PCDHGB1: variants seen among roughly 807,000 people sequenced by gnomAD.
PCDHGB1 encodes protocadherin gamma-B1.
A neutral mutation model predicts 56.6 loss-of-function variants in PCDHGB1; 34 were observed. The ratio of observed to expected loss-of-function variants is 0.60; its 90% confidence interval spans 0.46 to 0.80. PCDHGB1 has a LOEUF of 0.80. Among genes scored for constraint, PCDHGB1 ranks in the 30% least tolerant of loss-of-function variants. PCDHGB1 has a pLI of 0.00. For synonymous variants in PCDHGB1, 561 were observed against 505.9 expected (o/e 1.11, Z -1.46); for missense variants, 1,278 against 1,204.6 (o/e 1.06, Z -0.90).
chr5:141,497,831 C>T (rs1336808833), intron 2 of PCDHGB1, among the ~76,000 whole-genome samples: 1 of 152,162 alleles, frequency 6.6e-6, no homozygotes, highest in Non-Finnish European at 1.5e-5. Flanking sequence ...TGATCGCCCC[C>T]GGCCACAACA....
At chr5:141,480,763 A>G (rs541754723) in intron 1 of PCDHGB1, among the ~76,000 whole-genome samples, 1 of 152,308 alleles carries the variant, frequency 6.6e-6, no homozygotes, top group East Asian at 1.9e-4. Flanking sequence ...GAAGGTCCCC[A>G]CTTGATCCTA....
chr5:141,478,826 G>A, intron 1 of PCDHGB1: 2 of 1,439,244 alleles, frequency 1.4e-6, no homozygotes, highest in Non-Finnish European at 1.8e-6. Context: ...AACCAATCTT[G>A]CTAAGGGATG....
intron 1 of PCDHGB1, among the ~76,000 whole-genome samples, chr5:141,465,263 T>C (rs538393085): frequency 1.3e-5 from 2 of 152,326 alleles, no homozygotes; most frequent in African/African-American, 4.8e-5. Flanking sequence ...GCAATGATAC[T>C]AGCCATTTAG....
Position 141,429,387 on chromosome 5 carries a change from TAAA to T in PCDHGB1, c.2410-65414_2410-65412del, listed in dbSNP as rs11410533. Among the ~76,000 whole-genome samples, 27 of 151,446 alleles carry T rather than the reference TAAA, an allele frequency of 1.8e-4. No homozygotes were observed. In the East Asian group the frequency reaches 1.9e-3, roughly 11 times the overall value. ...AAATGGAGAAAATGTGTTTTTTTTTTAAAAAAAATTGAGATTAAGGTCTCATTA... is the reference window on the plus strand; with the variant it reads ...AAATGGAGAAAATGTGTTTTTTTTTTAAAAATTGAGATTAAGGTCTCATTA... On this transcript the variant is annotated intron_variant, in intron 1 of 3. Coordinates refer to ENST00000523390, the MANE Select transcript of PCDHGB1 (RefSeq NM_018922.3).
At chr5:141,374,199 T>C in intron 1 of PCDHGB1, 2 of 1,613,856 alleles carry the variant, frequency 1.2e-6, no homozygotes, top group Non-Finnish European at 1.7e-6. Flanking sequence ...CCCGAGGAGC[T>C]GGAGAAAGGC....
intron 1 of PCDHGB1, chr5:141,413,820 C>G (rs967941133): frequency 5.6e-6 from 9 of 1,613,086 alleles, no homozygotes; most frequent in South Asian, 1.1e-5. Flanking sequence ...ACCACCTGGT[C>G]CTCACCGCCT....
At chr5:141,421,229 T>C (rs776952658) in intron 1 of PCDHGB1, 3 of 1,589,662 alleles carry the variant, frequency 1.9e-6, no homozygotes, top group South Asian at 1.1e-5. Flanking sequence ...GAGCCTGCCA[T>C]GGCGAATCGG....
At chr5:141,356,556 C>T (rs757470408) in intron 1 of PCDHGB1, 1 of 1,614,036 alleles carries the variant, frequency 6.2e-7, no homozygotes, top group African/African-American at 1.3e-5. Flanking sequence ...CACCCACTTT[C>T]CCTCATGCTT....
Position 141,495,110 on chromosome 5 carries a change from T to C in PCDHGB1, c.2468+245T>C, listed in dbSNP as rs74534116. Among the ~76,000 whole-genome samples the C allele has an allele frequency of 3.9e-3, 595 of 152,212 alleles. 3 individuals carry two copies. The highest frequency in any genetic ancestry group is 0.013 in the African/African-American group (538 of 41,532). On this transcript the variant is annotated intron_variant, in intron 2 of 3. Coordinates refer to ENST00000523390, the MANE Select transcript of PCDHGB1 (RefSeq NM_018922.3). The stretch of plus-strand genomic sequence containing the variant: ...TTCCCTCCTCGCCACGACCGGCACC[T>C]TTTCCTATCCCCTGAGGGCACTGTG...
At chr5:141,461,607 A>C (rs74634930) in intron 1 of PCDHGB1, among the ~76,000 whole-genome samples, 8,353 of 152,212 alleles carry the variant, frequency 0.055, 473 homozygotes, top group African/African-American at 0.15. Flanking sequence ...AATTTAGTTC[A>C]AAGTATTTTC....
At chr5:141,499,966 G>A (rs1403177792) in intron 2 of PCDHGB1, among the ~76,000 whole-genome samples, 1 of 151,988 alleles carries the variant, frequency 6.6e-6, no homozygotes, top group African/African-American at 2.4e-5. Flanking sequence ...GGGATTACAG[G>A]TGTGAGCCAC....
At position 141,403,569 on chromosome 5, in the gene PCDHGB1, C is replaced by A. The variant is rs1206497487; in HGVS notation, c.2409+50900C>A. On this transcript the variant is annotated intron_variant, in intron 1 of 3. Transcript: ENST00000523390. The stretch of plus-strand genomic sequence containing the variant: ...CGCGCCCTGGACAGGGAGGAGGCAA[C>A]TGCCCACCACCTGGTCCTCACGGCC... The A allele has an allele frequency of 5.6e-6, 9 of 1,613,828 alleles. No homozygotes were observed. The Admixed American group carries it at 6.7e-5, about 12-fold the overall frequency.
Position 141,485,741 on chromosome 5 carries a change from C to A in PCDHGB1, c.2410-9066C>A. 6.2e-7 allele frequency: 1 copy of A among 1,614,180 alleles called. No homozygotes were observed. Among genetic ancestry groups the A allele is most frequent in the Non-Finnish European group, 8.5e-7 (1 of 1,179,992 alleles). On this transcript the variant is annotated intron_variant, in intron 1 of 3. Coordinates refer to ENST00000523390, the MANE Select transcript of PCDHGB1 (RefSeq NM_018922.3). This position sits in a 1 kb window ranked among gnomAD's most constrained non-coding sequence, Gnocchi z 5.7. ...TGTGAAGAAGCGCAGCGACGGCAGC[C>A]TGGTCCCAGAGCTGCTCCTGGAGAA...
rs1310685846 is a variant in PCDHGB1, at chr5:141,423,037, T to C, written c.2409+70368T>C. ...GGACAAAGATTCAGGCCAGAACGCCTGGCTGTCCTATCGCCTGCTTAAGGC... is the reference window on the plus strand; with the variant it reads ...GGACAAAGATTCAGGCCAGAACGCCCGGCTGTCCTATCGCCTGCTTAAGGC... On this transcript the variant is annotated intron_variant, in intron 1 of 3. Transcript: ENST00000523390. 5 of 1,614,086 alleles carry C rather than the reference T, an allele frequency of 3.1e-6. No homozygotes were observed. In the African/African-American group the frequency reaches 5.3e-5, roughly 17 times the overall value.
intron 1 of PCDHGB1, among the ~76,000 whole-genome samples, chr5:141,437,052 T>A (rs986734485): frequency 6.6e-5 from 10 of 152,258 alleles, no homozygotes; most frequent in Non-Finnish European, 1.3e-4. Flanking sequence ...AGAAGGCTGG[T>A]GATCATTATT....
chr5:141,424,966 T>G (rs913951031), intron 1 of PCDHGB1, among the ~76,000 whole-genome samples: 17 of 152,174 alleles, frequency 1.1e-4, no homozygotes, highest in African/African-American at 3.9e-4. Flanking sequence ...TTGCCCCAAA[T>G]TACTTGGATA....
At chr5:141,415,122 C>T (rs552568826) in intron 1 of PCDHGB1, 34 of 1,613,668 alleles carry the variant, frequency 2.1e-5, no homozygotes, top group Admixed American at 6.7e-5. Flanking sequence ...TCGTAGTGGC[C>T]GTCCAGGACC....
rs565524310 is a variant in PCDHGB1, at chr5:141,375,830, G to A, written c.2409+23161G>A. The stretch of plus-strand genomic sequence containing the variant: ...CGTGGAGCTGGCGCCCCGCTCCGCA[G>A]AGCCCGGCTACCTGGTGACCAAGGT... On this transcript the variant is annotated intron_variant, in intron 1 of 3. Transcript: ENST00000523390. 6.8e-6 allele frequency: 11 copies of A among 1,614,152 alleles called. No homozygotes were observed. In the East Asian group the frequency reaches 2.2e-4, roughly 33 times the overall value.
At chr5:141,385,033 C>A in intron 1 of PCDHGB1, 1 of 1,614,182 alleles carries the variant, frequency 6.2e-7, no homozygotes, top group South Asian at 1.1e-5. Flanking sequence ...CCTCGTACTG[C>A]TGGCGCTCAG....
Sources: allele counts gnomAD v4.1 joint callset (sites outside exome capture counted in the v4.1 genomes callset), GRCh38; gene constraint gnomAD v4.1.1; non-coding constraint Gnocchi (gnomAD v3.1); transcripts MANE v1.5; gene names NCBI Gene and HGNC (gene_info 2026-07-23, HGNC 2026-07-21).